The following YES1 variants were observed in gnomAD, a reference collection of about 807,000 sequenced individuals.
YES1 encodes the protein YES proto-oncogene 1, Src family tyrosine kinase.
In YES1, 39 loss-of-function variants were observed where a neutral mutation model predicts 70.4. That is an observed-to-expected ratio of 0.55 (90% confidence interval 0.43 to 0.72). The LOEUF is 0.72. Among genes scored for constraint, YES1 ranks in the 30% least tolerant of loss-of-function variants. The pLI, the probability that YES1 is intolerant of heterozygous loss-of-function variation, is 0.00. For missense variants in YES1, 495 were observed against 644.8 expected (o/e 0.77, Z 2.52); for synonymous variants, 198 against 218.6 (o/e 0.91, Z 0.83).
At chr18:767,218 T>C (rs1904953630) in intron 1 of YES1, among the ~76,000 whole-genome samples, 1 of 152,154 alleles carries the variant, frequency 6.6e-6, no homozygotes, top group African/African-American at 2.4e-5. Flanking sequence ...GACATGATAA[T>C]GGGTCACTGA....
intron 1 of YES1, among the ~76,000 whole-genome samples, chr18:763,240 C>T (rs187321798): frequency 6.6e-6 from 1 of 152,194 alleles, no homozygotes; most frequent in East Asian, 1.9e-4. Flanking sequence ...TAGACTTTCT[C>T]CAGGGAGCAT....
chr18:803,884 T>C (rs887002649), intron 1 of YES1, among the ~76,000 whole-genome samples: 6 of 152,332 alleles, frequency 3.9e-5, no homozygotes, highest in African/African-American at 1.4e-4. Flanking sequence ...TTTTACCTAT[T>C]TGTGAGGCTT....
At chr18:737,787 G>A (rs966584076) in intron 9 of YES1, among the ~76,000 whole-genome samples, 3 of 152,170 alleles carry the variant, frequency 2.0e-5, no homozygotes, top group Non-Finnish European at 2.9e-5. Context: ...TGGTGCAATC[G>A]TGGCTCACTG....
chr18:781,283 A>T (rs1568212134), intron 1 of YES1, among the ~76,000 whole-genome samples: 1 of 151,700 alleles, frequency 6.6e-6, no homozygotes, highest in Non-Finnish European at 1.5e-5. Flanking sequence ...AAAAAAAAAA[A>T]AAATAAGAGG....
intron 1 of YES1, among the ~76,000 whole-genome samples, chr18:758,436 T>C (rs1904403380): frequency 6.6e-6 from 1 of 152,112 alleles, no homozygotes; most frequent in Admixed American, 6.6e-5. Flanking sequence ...CAACTTTATT[T>C]CCTACTGTCC....
At position 766,470 on chromosome 18, in the gene YES1, T is replaced by C. The variant is rs573498971; in HGVS notation, c.-8-9635A>G. Among the ~76,000 whole-genome samples the C allele has an allele frequency of 2.6e-5, 4 of 151,038 alleles. No individual in the cohort carries two copies. In the South Asian group the frequency reaches 8.4e-4, roughly 32 times the overall value. ...CATGATTAGTGAAAGATGATTATCT[T>C]TTCTATGTTTTCGTATTTATGGAAG... is the stretch of plus-strand genomic sequence containing the variant. On this transcript the variant is annotated intron_variant, in intron 1 of 11. Coordinates refer to ENST00000314574, the MANE Select transcript of YES1 (RefSeq NM_005433.4).
chr18:752,496 A>C (rs975395231), intron 2 of YES1, among the ~76,000 whole-genome samples: 2 of 152,230 alleles, frequency 1.3e-5, no homozygotes, highest in African/African-American at 4.8e-5. Context: ...CAGAAAAAGG[A>C]TTGATGACTA....
At chr18:759,564 CAA>C (rs1904468585) in intron 1 of YES1, among the ~76,000 whole-genome samples, 1 of 152,066 alleles carries the variant, frequency 6.6e-6, no homozygotes, top group South Asian at 2.1e-4. Context: ...AGCCAAGATT[CAA>C]AAGTTTCAGA....
At chr18:811,107 AT>A (rs1323337225) in intron 1 of YES1, among the ~76,000 whole-genome samples, 6 of 152,326 alleles carry the variant, frequency 3.9e-5, no homozygotes, top group African/African-American at 1.4e-4. Context: ...TGGCACTGTA[AT>A]CTTACAGTTA....
intron 1 of YES1, among the ~76,000 whole-genome samples, chr18:761,341 G>A (rs549007328): frequency 3.9e-5 from 6 of 151,980 alleles, no homozygotes; most frequent in Admixed American, 2.6e-4. Flanking sequence ...CAAGAAAACA[G>A]CATTAATTAT....
intron 11 of YES1, among the ~76,000 whole-genome samples, chr18:732,446 A>C (rs959053079): frequency 4.8e-5 from 7 of 145,578 alleles, no homozygotes; most frequent in East Asian, 2.0e-4. Flanking sequence ...AAAAAAAAAA[A>C]AAAAAAAAAA....
At chr18:792,860 AG>A (rs11356301) in intron 1 of YES1, among the ~76,000 whole-genome samples, 51,459 of 150,996 alleles carry the variant, frequency 0.34, 9,299 homozygotes, top group African/African-American at 0.45. Flanking sequence ...ATAAAAGCCA[AG>A]GGGGGGGAAA....
At chr18:762,385 A>G (rs1047805388) in intron 1 of YES1, among the ~76,000 whole-genome samples, 6 of 152,206 alleles carry the variant, frequency 3.9e-5, no homozygotes, top group Non-Finnish European at 1.5e-5. Flanking sequence ...CCTGTTGGAT[A>G]TTACACTGAT....
At chr18:757,327 C>T (rs770287402) in intron 1 of YES1, among the ~76,000 whole-genome samples, 28 of 151,628 alleles carry the variant, frequency 1.8e-4, no homozygotes, top group South Asian at 6.2e-4. Flanking sequence ...CACGGTGAAA[C>T]CCCGCCTCTA....
chr18:804,001 C>CGG (rs1261046789), intron 1 of YES1, among the ~76,000 whole-genome samples: 17 of 152,310 alleles, frequency 1.1e-4, no homozygotes, highest in African/African-American at 4.1e-4. Context: ...AACTTACAAA[C>CGG]TTTCAGAACA....
rs2080234242 is a variant in YES1 at position 743,112 on chromosome 18, C to T, written c.881-15G>A. 1 of 1,566,396 alleles carries T rather than the reference C, an allele frequency of 6.4e-7. No homozygotes were observed. The highest frequency in any genetic ancestry group is 8.6e-7 in the Non-Finnish European group (1 of 1,160,954). ...ATTCCATGTTCCTAAAGAAATAACACATTTTAGGAATTTATATTTTAAAGG... is the reference window on the plus strand; with the variant it reads ...ATTCCATGTTCCTAAAGAAATAACATATTTTAGGAATTTATATTTTAAAGG... On this transcript the variant is annotated splice_polypyrimidine_tract_variant and intron_variant, in intron 7 of 11. Coordinates refer to ENST00000314574, the MANE Select transcript of YES1 (RefSeq NM_005433.4).
intron 1 of YES1, among the ~76,000 whole-genome samples, chr18:770,917 G>A (rs893693694): frequency 5.3e-5 from 8 of 151,850 alleles, no homozygotes; most frequent in African/African-American, 1.7e-4. Flanking sequence ...AGGCTGAGGT[G>A]GGAGAACAGC....
chr18:812,724 C>T (rs372938876), upstream of YES1, among the ~76,000 whole-genome samples: 6 of 152,304 alleles, frequency 3.9e-5, no homozygotes, highest in South Asian at 6.2e-4. Flanking sequence ...GCCCCTCTGC[C>T]TTTCTCTGTT....
chr18:812,023 G>A (rs1907419408), intron 1 of YES1, 91 bp downstream of exon 1: 1 of 144,690 alleles, frequency 6.9e-6, no homozygotes, highest in Non-Finnish European at 1.3e-5. Flanking sequence ...AACCGCGGCG[G>A]CGGCGGCGGC....
Sources: allele counts gnomAD v4.1 joint callset (sites outside exome capture counted in the v4.1 genomes callset), GRCh38; gene constraint gnomAD v4.1.1; transcripts MANE v1.5; gene names NCBI Gene and HGNC (gene_info 2026-07-23, HGNC 2026-07-21).